The following SLC24A4 variants were observed in gnomAD, a reference collection of about 807,000 sequenced individuals.
SLC24A4 encodes the protein sodium/potassium/calcium exchanger 4.
In SLC24A4, 53 loss-of-function variants were observed where a neutral mutation model predicts 79.0. The observed-to-expected ratio is 0.67, with a 90% CI of 0.54 to 0.84. SLC24A4 has a LOEUF of 0.84. Ranked by LOEUF, SLC24A4 falls within the 40% of genes least tolerant of loss-of-function variation. The probability of loss-of-function intolerance (pLI) is 0.00; values close to 1 mark genes in which losing one functional copy is unlikely to be tolerated. For synonymous variants in SLC24A4, 323 were observed against 323.8 expected (o/e 1.00, Z 0.03); for missense variants, 731 against 822.0 (o/e 0.89, Z 1.35).
intron 2 of SLC24A4, among the ~76,000 whole-genome samples, chr14:92,376,954 A>G (rs1391920038): frequency 6.6e-6 from 1 of 152,216 alleles, no homozygotes; most frequent in Admixed American, 6.5e-5. Context: ...AAATGTCAGC[A>G]GTGCTGAGGC....
At chr14:92,415,530 T>C (rs375430595) in intron 2 of SLC24A4, among the ~76,000 whole-genome samples, 1 of 152,230 alleles carries the variant, frequency 6.6e-6, no homozygotes, top group East Asian at 1.9e-4. Flanking sequence ...TGATCTCAGC[T>C]CACTGCAACC....
At position 92,449,313 on chromosome 14, in the gene SLC24A4, CACACACACA is replaced by C. The variant is rs758202935; in HGVS notation, c.880+98_880+106del. 2.2e-4 allele frequency: 299 copies of C among 1,332,104 alleles called. 1 individual carries two copies. Among genetic ancestry groups the C allele is most frequent in the Middle Eastern group, 4.3e-4 (2 of 4,620 alleles). 82.5% of individuals were successfully genotyped at this position (1,332,104 alleles called of 1,614,324 possible). On this transcript the variant is annotated intron_variant, in intron 10 of 16. Coordinates refer to ENST00000532405, the MANE Select transcript of SLC24A4 (RefSeq NM_153646.4). ...ACACACACACACACACACACACACA[CACACACACA>C]CCCTCTCACAATGTCCCCCCTCTAA...
At chr14:92,419,735 GTTCA>G (rs1891176604) in intron 2 of SLC24A4, among the ~76,000 whole-genome samples, 1 of 152,212 alleles carries the variant, frequency 6.6e-6, no homozygotes, top group Non-Finnish European at 1.5e-5. Flanking sequence ...ATTCCTAAGA[GTTCA>G]TTCATACAGG....
At chr14:92,412,676 C>T (rs781571682) in intron 2 of SLC24A4, among the ~76,000 whole-genome samples, 16 of 152,128 alleles carry the variant, frequency 1.1e-4, no homozygotes, top group Non-Finnish European at 2.4e-4. Context: ...TCCTGCGGGT[C>T]AGGGGGCCGC....
intron 2 of SLC24A4, among the ~76,000 whole-genome samples, chr14:92,355,268 C>T (rs1887112132): frequency 1.3e-5 from 2 of 151,830 alleles, no homozygotes; most frequent in South Asian, 4.2e-4. Flanking sequence ...GACGTGGGGA[C>T]AAGGAGGTGA....
intron 2 of SLC24A4, among the ~76,000 whole-genome samples, chr14:92,416,121 T>G (rs1289385328): frequency 3.3e-5 from 4 of 120,716 alleles, no homozygotes; most frequent in Admixed American, 1.7e-4. Flanking sequence ...TTTGTGTGTG[T>G]GGTGTGTGTG....
chr14:92,350,008 T>G (rs1302432688), intron 2 of SLC24A4, among the ~76,000 whole-genome samples: 2 of 152,226 alleles, frequency 1.3e-5, no homozygotes, highest in Non-Finnish European at 2.9e-5. Context: ...AGGAATCATT[T>G]GGGGCTGACC....
At chr14:92,489,270 T>C (rs1054124575) in intron 14 of SLC24A4, among the ~76,000 whole-genome samples, 13 of 151,788 alleles carry the variant, frequency 8.6e-5, no homozygotes, top group African/African-American at 3.1e-4. Context: ...AAACCCCGTC[T>C]CTACTAAAAA....
intron 16 of SLC24A4, 60 bp downstream of exon 16, chr14:92,492,300 C>G (rs755140864): frequency 4.6e-6 from 7 of 1,511,092 alleles, no homozygotes; most frequent in Non-Finnish European, 6.4e-6. Flanking sequence ...TCTGATTCCG[C>G]CTCGTCACTT....
chr14:92,375,081 A>G (rs965705784), intron 2 of SLC24A4, among the ~76,000 whole-genome samples: 4 of 152,212 alleles, frequency 2.6e-5, no homozygotes, highest in African/African-American at 9.7e-5. Context: ...AATTAAACCA[A>G]AGACTAGATT....
At chr14:92,462,116 T>C (rs1354847858) in intron 12 of SLC24A4, 1 of 152,210 alleles carries the variant, frequency 6.6e-6, no homozygotes, top group Non-Finnish European at 1.5e-5. Context: ...GGGAGTCACT[T>C]TTCCACTCTG....
At chr14:92,492,754 T>C (rs1190693902) in intron 16 of SLC24A4, 2 of 429,750 alleles carry the variant, frequency 4.7e-6, no homozygotes, top group Non-Finnish European at 9.4e-6. Context: ...GGTCACAGAA[T>C]TGGGCAATGG....
At chr14:92,386,270 G>T (rs1483393213) in intron 2 of SLC24A4, among the ~76,000 whole-genome samples, 1 of 152,114 alleles carries the variant, frequency 6.6e-6, no homozygotes, top group Non-Finnish European at 1.5e-5. Flanking sequence ...TAAGAGGGGG[G>T]CCTGGGCTTT....
intron 2 of SLC24A4, among the ~76,000 whole-genome samples, chr14:92,351,236 G>A (rs957546318): frequency 1.4e-4 from 20 of 147,062 alleles, no homozygotes; most frequent in East Asian, 6.0e-4. Flanking sequence ...ACACATACAC[G>A]CACACACACA....
intron 2 of SLC24A4, among the ~76,000 whole-genome samples, chr14:92,381,618 A>T (rs78701552): frequency 2.0e-5 from 3 of 152,342 alleles, no homozygotes; most frequent in Admixed American, 2.0e-4. Flanking sequence ...TTAAAAAAAA[A>T]TTAAGGAGAA....
intron 2 of SLC24A4, among the ~76,000 whole-genome samples, chr14:92,421,910 G>A (rs1053384669): frequency 6.6e-6 from 1 of 152,120 alleles, no homozygotes. Flanking sequence ...CCCTGGAAAG[G>A]GCAGCCGTTT....
chr14:92,386,111 C>A (rs779207930), intron 2 of SLC24A4, among the ~76,000 whole-genome samples: 8 of 152,010 alleles, frequency 5.3e-5, no homozygotes, highest in Non-Finnish European at 1.2e-4. Context: ...ACTCCAAGAC[C>A]CCATTCTTAG....
intron 2 of SLC24A4, among the ~76,000 whole-genome samples, chr14:92,355,988 C>T (rs999484203): frequency 6.6e-5 from 10 of 152,278 alleles, no homozygotes; most frequent in African/African-American, 2.2e-4. Flanking sequence ...TTTGACTTTA[C>T]GATGGCATGA....
intron 13 of SLC24A4, among the ~76,000 whole-genome samples, chr14:92,485,300 C>CA (rs940585631): frequency 3.3e-5 from 5 of 151,956 alleles, no homozygotes; most frequent in Admixed American, 3.3e-4. Flanking sequence ...CCTGTGTCTA[C>CA]AAAAAATTAA....
Sources: allele counts gnomAD v4.1 joint callset (sites outside exome capture counted in the v4.1 genomes callset), GRCh38; gene constraint gnomAD v4.1.1; transcripts MANE v1.5; gene names NCBI Gene and HGNC (gene_info 2026-07-23, HGNC 2026-07-21).